Variants in PPP1R1C observed in about 807,000 individuals in gnomAD.
The protein encoded by PPP1R1C is protein phosphatase 1 regulatory subunit 1C.
In PPP1R1C, 15 loss-of-function variants were observed where a neutral mutation model predicts 17.4. The ratio of observed to expected loss-of-function variants is 0.86; its 90% CI spans 0.58 to 1.33. The LOEUF (loss-of-function observed/expected upper bound fraction) is 1.33. Ranked by LOEUF, PPP1R1C falls within the 40% of genes most tolerant of loss-of-function variation. PPP1R1C has a pLI of 0.00. For missense variants in PPP1R1C, 143 were observed against 130.0 expected, an observed-to-expected ratio of 1.10 and a Z score of -0.48; for synonymous variants, 35 against 43.1, an observed-to-expected ratio of 0.81 and a Z score of 0.73.
chr2:181,990,857 C>T (rs1685455133), intron 2 of PPP1R1C, among the ~76,000 whole-genome samples: 2 of 152,198 alleles, frequency 1.3e-5, no homozygotes, highest in South Asian at 4.1e-4. Context: ...AAGCTGGGTG[C>T]AGCTTTAAAT....
chr2:182,033,306 T>A (rs1293711551), intron 2 of PPP1R1C, among the ~76,000 whole-genome samples: 2 of 152,210 alleles, frequency 1.3e-5, no homozygotes, highest in East Asian at 3.9e-4. Flanking sequence ...TTATTTACTC[T>A]CATAGTCTAA....
At position 181,961,206 on chromosome 2, in the gene PPP1R1C, G is replaced by T; in HGVS notation, n.111+6572G>T. ...AAGGGTACCCTGCTTCTGCTGGCTT[G>T]ATGTCTTAGAACTTTGGTGTCATTG... On this transcript the variant is annotated intron_variant and non_coding_transcript_variant, in intron 1 of 5. Transcript: ENST00000464264. This position sits in a 1 kb window ranked among gnomAD's most constrained non-coding sequence, Gnocchi z 5.8. The T allele has an allele frequency of 1.1e-6, 1 of 898,880 alleles. No homozygotes were observed. The highest frequency in any genetic ancestry group is 1.8e-6 in the Non-Finnish European group (1 of 549,588). 55.7% of individuals were successfully genotyped at this position (898,880 alleles called of 1,614,324 possible).
intron 4 of PPP1R1C, among the ~76,000 whole-genome samples, chr2:182,112,930 T>A (rs957624855): frequency 6.6e-6 from 1 of 152,216 alleles, no homozygotes; most frequent in Non-Finnish European, 1.5e-5. Flanking sequence ...AGTTTTAAAA[T>A]GTGTATTTGG....
Position 182,061,389 on chromosome 2 carries a change from A to G in PPP1R1C, c.143-53A>G. 3.5e-6 allele frequency: 4 copies of G among 1,155,804 alleles called. No homozygotes were observed. The South Asian group carries it at 6.0e-5, about 17-fold the overall frequency. 71.6% of individuals were successfully genotyped at this position (1,155,804 alleles called of 1,614,324 possible). On this transcript the variant is annotated intron_variant, in intron 2 of 4. Coordinates refer to ENST00000682840, the MANE Select transcript of PPP1R1C (RefSeq NM_001080545.3). ...TGTTGTTGAAAATGTTAATATATATATTACAAGAAAGAATATTACATGCCT... is the reference window on the plus strand; with the variant it reads ...TGTTGTTGAAAATGTTAATATATATGTTACAAGAAAGAATATTACATGCCT...
chr2:182,102,835 C>T (rs187213404), intron 4 of PPP1R1C, among the ~76,000 whole-genome samples: 64 of 152,160 alleles, frequency 4.2e-4, no homozygotes, highest in African/African-American at 1.5e-3. Flanking sequence ...ATTTTTGAGG[C>T]AGGGTCTTGC....
At chr2:182,119,065 C>T (rs1469258862), downstream of PPP1R1C, among the ~76,000 whole-genome samples, 1 of 152,050 alleles carries the variant, frequency 6.6e-6, no homozygotes, top group Non-Finnish European at 1.5e-5. Context: ...ACCACCCACC[C>T]CACAGCAGGC....
intron 4 of PPP1R1C, among the ~76,000 whole-genome samples, chr2:182,094,626 G>A (rs893572278): frequency 3.3e-5 from 5 of 152,206 alleles, no homozygotes; most frequent in Admixed American, 1.3e-4. Flanking sequence ...GCAGACAACC[G>A]ACAGTCTAGA....
intron 1 of PPP1R1C, chr2:181,975,106 T>C (rs1233108412): frequency 6.6e-6 from 1 of 151,992 alleles, no homozygotes; most frequent in Admixed American, 6.6e-5. Flanking sequence ...TAATATAAAA[T>C]TTTGGGGGTA....
At chr2:182,128,910 C>T (rs1018587034) in intron 5 of PPP1R1C, 5 of 152,042 alleles carry the variant, frequency 3.3e-5, no homozygotes, top group Non-Finnish European at 5.9e-5. Context: ...ATTTACATGA[C>T]ATGGTATTAA....
At chr2:182,065,946 A>C (rs1308275729) in intron 4 of PPP1R1C, among the ~76,000 whole-genome samples, 1 of 152,104 alleles carries the variant, frequency 6.6e-6, no homozygotes, top group Non-Finnish European at 1.5e-5. Context: ...TTGATCTTAT[A>C]ATAAGCTCCA....
At chr2:181,995,433 C>T (rs1685586148) in intron 2 of PPP1R1C, among the ~76,000 whole-genome samples, 1 of 152,150 alleles carries the variant, frequency 6.6e-6, no homozygotes, top group Non-Finnish European at 1.5e-5. Context: ...GGTAGTTGGG[C>T]TCATGTGTCA....
At chr2:182,084,990 G>C (rs1463600852) in intron 4 of PPP1R1C, among the ~76,000 whole-genome samples, 1 of 151,774 alleles carries the variant, frequency 6.6e-6, no homozygotes, top group African/African-American at 2.4e-5. Context: ...TATATTCCTA[G>C]GTATTTTATT....
chr2:182,112,499 A>G (rs1416736746), intron 4 of PPP1R1C, among the ~76,000 whole-genome samples: 3 of 152,150 alleles, frequency 2.0e-5, no homozygotes, highest in African/African-American at 7.2e-5. Flanking sequence ...GTTTTCTCAA[A>G]TTCTAACTTT....
intron 1 of PPP1R1C, 57 bp downstream of exon 1, chr2:181,986,248 T>G (rs1685295386): frequency 7.7e-7 from 1 of 1,293,542 alleles, no homozygotes; most frequent in African/African-American, 1.5e-5. Flanking sequence ...GAACATGCAT[T>G]CTGGTTATTA....
intron 2 of PPP1R1C, among the ~76,000 whole-genome samples, chr2:181,995,253 C>T (rs2125145098): frequency 6.6e-6 from 1 of 152,300 alleles, no homozygotes; most frequent in East Asian, 1.9e-4. Flanking sequence ...AGTACACAGA[C>T]TAGATGCCTG....
At chr2:182,128,090 T>C (rs1260427414) in intron 5 of PPP1R1C, among the ~76,000 whole-genome samples, 1 of 152,104 alleles carries the variant, frequency 6.6e-6, no homozygotes, top group East Asian at 1.9e-4. Flanking sequence ...CATTATTCAA[T>C]AAATATGTAG....
intron 2 of PPP1R1C, among the ~76,000 whole-genome samples, chr2:182,025,084 AT>A (rs1213362109): frequency 1.3e-5 from 2 of 150,988 alleles, no homozygotes; most frequent in African/African-American, 4.8e-5. Context: ...TGTGCAAAAA[AT>A]AAAACAGGTT....
rs1173929152 is a variant in PPP1R1C, at chr2:182,128,155, TAAG to T, written c.*7-815_*7-813del. 2.6e-5 allele frequency among the ~76,000 whole-genome samples: 4 copies of T among 152,252 alleles called. No individual in the cohort carries two copies. The East Asian group carries it at 7.7e-4, about 29-fold the overall frequency. ...AAGTGCTGCTGATTCTAGGTATTAATAAGAAGTGAGAGTCCTTAAACTCATGGG... is the reference window on the plus strand; with the variant it reads ...AAGTGCTGCTGATTCTAGGTATTAATAAGTGAGAGTCCTTAAACTCATGGG... On this transcript the variant is annotated intron_variant, in intron 5 of 5. Transcript: ENST00000280295.
At chr2:182,051,393 A>G (rs1687512503) in intron 2 of PPP1R1C, among the ~76,000 whole-genome samples, 1 of 152,218 alleles carries the variant, frequency 6.6e-6, no homozygotes, top group African/African-American at 2.4e-5. Flanking sequence ...AGTTGAATGA[A>G]TGACTTTTCC....
Sources: gnomAD v4.1 joint callset for allele counts (sites outside exome capture counted in the v4.1 genomes callset) on GRCh38, gnomAD v4.1.1 for gene constraint, Gnocchi (gnomAD v3.1) non-coding constraint, MANE v1.5 for transcripts, NCBI Gene and HGNC (gene_info 2026-07-23, HGNC 2026-07-21) for gene names.